Variants in ERC2 observed in about 807,000 individuals in gnomAD.
ERC2 encodes the protein ERC protein 2.
A neutral mutation model predicts 114.8 loss-of-function variants in ERC2; 42 were observed. The observed-to-expected ratio is 0.37, with a 90% CI of 0.29 to 0.47. ERC2 has a LOEUF of 0.47. ERC2 is among the 20% of genes least tolerant of loss of function. ERC2 has a pLI of 0.99. For missense variants in ERC2, 939 were observed against 1,150.7 expected, an observed-to-expected ratio of 0.82 and a Z score of 2.66; for synonymous variants, 454 against 425.5, an observed-to-expected ratio of 1.07 and a Z score of -0.82.
chr3:55,933,242 A>T (rs1011251289), intron 13 of ERC2, among the ~76,000 whole-genome samples: 2 of 151,980 alleles, frequency 1.3e-5, no homozygotes, highest in Non-Finnish European at 2.9e-5. Context: ...TAAAGAAAGT[A>T]ACCATGCCCA....
chr3:56,216,962 C>T (rs1158999727), intron 3 of ERC2, among the ~76,000 whole-genome samples: 1 of 152,172 alleles, frequency 6.6e-6, no homozygotes, highest in African/African-American at 2.4e-5. Context: ...TAAAAACTCT[C>T]AATAAATTAG....
intron 7 of ERC2, among the ~76,000 whole-genome samples, chr3:56,029,405 G>C (rs1242113104): frequency 2.0e-5 from 3 of 151,960 alleles, no homozygotes; most frequent in Admixed American, 6.5e-5. Context: ...AGTAAAATTA[G>C]GATTAATTCT....
chr3:55,749,686 A>G (rs1309401841), intron 14 of ERC2, among the ~76,000 whole-genome samples: 1 of 152,218 alleles, frequency 6.6e-6, no homozygotes, highest in Non-Finnish European at 1.5e-5. Context: ...CCGATAGGAC[A>G]GAAACAGAAC....
chr3:55,997,939 T>TTTG (rs2071720509), intron 10 of ERC2, among the ~76,000 whole-genome samples: 1 of 116,512 alleles, frequency 8.6e-6, no homozygotes, highest in East Asian at 2.7e-4. Flanking sequence ...GTTTTTTTTT[T>TTTG]TTTTTTGGTA....
rs3055903 is a variant in ERC2, at chr3:56,313,001, C to CATATATATATATATAT, written c.658-16582_658-16567dup. On this transcript the variant is annotated intron_variant, in intron 2 of 17. Coordinates refer to ENST00000288221, the MANE Select transcript of ERC2 (RefSeq NM_015576.3). ...TTAATATTTAGTGAATATGTATATTCATATATATATATATATATATATATA... is the reference window on the plus strand; with the variant it reads ...TTAATATTTAGTGAATATGTATATTCATATATATATATATATATATATATATATATATATATATATA... Among the ~76,000 whole-genome samples the CATATATATATATATAT allele has an allele frequency of 3.6e-3, 159 of 43,868 alleles. 25 individuals carry two copies. Among genetic ancestry groups the CATATATATATATATAT allele is most frequent in the Non-Finnish European group, 4.5e-3 (105 of 23,580 alleles). 28.8% of individuals were successfully genotyped at this position (43,868 alleles called of 152,430 possible).
chr3:56,132,026 C>A lies in ERC2; in HGVS notation c.1473+7483G>T, dbSNP rs189554212. On this transcript the variant is annotated intron_variant, in intron 6 of 17. Coordinates refer to ENST00000288221, the MANE Select transcript of ERC2 (RefSeq NM_015576.3). ...GTAAATCCCACCTTATATGCTATGGCAAATACTATTTCCAACCATTTAAAA... is the reference window on the plus strand; with the variant it reads ...GTAAATCCCACCTTATATGCTATGGAAAATACTATTTCCAACCATTTAAAA... Among the ~76,000 whole-genome samples the A allele has an allele frequency of 2.2e-4, 33 of 152,280 alleles. No homozygotes were observed. The East Asian group carries it at 6.2e-3, about 29-fold the overall frequency.
chr3:56,336,158 C>G (rs1232990645), intron 2 of ERC2, among the ~76,000 whole-genome samples: 1 of 152,046 alleles, frequency 6.6e-6, no homozygotes, highest in Admixed American at 6.6e-5. Context: ...CACAGTGAAC[C>G]TGGATTTGAA....
In ERC2 at chr3:56,032,955, GAAAC is replaced by G. The variant is rs1432558008; in HGVS notation, c.1642-13928_1642-13925del. On this transcript the variant is annotated intron_variant, in intron 7 of 17. Transcript: ENST00000288221. Reference sequence around the variant, plus strand: ...AGAAAGAAAGAAAGAAAGAAAGAAAGAAACAGAAAGAAAGAAAGAAAGAGAAAGA... The same window carrying G: ...AGAAAGAAAGAAAGAAAGAAAGAAAGAGAAAGAAAGAAAGAAAGAGAAAGA... Among the ~76,000 whole-genome samples the G allele has an allele frequency of 3.1e-3, 134 of 42,662 alleles. 2 individuals carry two copies. The highest frequency in any genetic ancestry group is 7.5e-3 in the Admixed American group (28 of 3,710). The allele number at this position is 42,662 out of a possible 152,430, so 28.0% of individuals were successfully genotyped here. A position where few individuals can be genotyped will look rare whatever the true frequency, so the allele number is the denominator to read the frequency against.
intron 10 of ERC2, among the ~76,000 whole-genome samples, chr3:55,998,400 A>G (rs1225449770): frequency 6.6e-6 from 1 of 152,110 alleles, no homozygotes; most frequent in Non-Finnish European, 1.5e-5. Context: ...AATTATCTGG[A>G]TGTCCTCAAA....
At chr3:56,411,906 A>G (rs2060955103) in intron 2 of ERC2, among the ~76,000 whole-genome samples, 1 of 152,228 alleles carries the variant, frequency 6.6e-6, no homozygotes, top group Non-Finnish European at 1.5e-5. Flanking sequence ...TGCAACAGAA[A>G]AAAAGCTGGA....
intron 3 of ERC2, among the ~76,000 whole-genome samples, chr3:56,237,775 C>T (rs529193907): frequency 7.2e-5 from 11 of 152,114 alleles, no homozygotes; most frequent in African/African-American, 2.4e-4. Flanking sequence ...TTGGAAGTCA[C>T]GACGTACATG....
In ERC2 at chr3:55,668,361, G is replaced by A. The variant is rs555172997; in HGVS notation, c.*39+15433C>T. ...TACCTCTGAGTTGTGTGACCAAGAT[G>A]TAATTTAGCCTCTCCTCTGTAAAAT... On this transcript the variant is annotated intron_variant, in intron 17 of 17. Transcript: ENST00000288221. Among the ~76,000 whole-genome samples the A allele has an allele frequency of 3.3e-5, 5 of 152,324 alleles. No individual in the cohort carries two copies. The South Asian group carries it at 1.0e-3, about 32-fold the overall frequency.
chr3:55,781,716 CA>C (rs529747251), intron 14 of ERC2, among the ~76,000 whole-genome samples: 1 of 151,436 alleles, frequency 6.6e-6, no homozygotes, highest in African/African-American at 2.4e-5. Context: ...ACTAAAAATA[CA>C]AAAAATTAGC....
At chr3:56,104,694 T>C (rs2078550934) in intron 6 of ERC2, among the ~76,000 whole-genome samples, 1 of 151,918 alleles carries the variant, frequency 6.6e-6, no homozygotes, top group Admixed American at 6.6e-5. Context: ...AAAGCTAAAG[T>C]ACCCAGCTGT....
At chr3:55,581,288 G>A (rs2057248132) in intron 17 of ERC2, among the ~76,000 whole-genome samples, 2 of 152,190 alleles carry the variant, frequency 1.3e-5, no homozygotes, top group South Asian at 2.1e-4. Flanking sequence ...AAAACCATGT[G>A]TCTGAAAATA....
intron 6 of ERC2, among the ~76,000 whole-genome samples, chr3:56,106,332 C>T (rs2078662897): frequency 6.6e-6 from 1 of 152,196 alleles, no homozygotes; most frequent in East Asian, 1.9e-4. Context: ...TAGAAGTTCA[C>T]CTGTAAGCAG....
At chr3:56,164,790 G>A (rs2082240834) in intron 4 of ERC2, among the ~76,000 whole-genome samples, 1 of 151,954 alleles carries the variant, frequency 6.6e-6, no homozygotes, top group Admixed American at 6.6e-5. Flanking sequence ...AGCCATCCTA[G>A]TGTGGGAGAA....
At chr3:55,699,643 T>A in intron 15 of ERC2, 131 bp from the exon 16 acceptor site, 1 of 1,022,342 alleles carries the variant, frequency 9.8e-7, no homozygotes. Context: ...GTTAGTCAAG[T>A]TGAAACTTAA....
At chr3:56,187,662 T>G (rs4974177) in intron 3 of ERC2, among the ~76,000 whole-genome samples, 1 of 152,108 alleles carries the variant, frequency 6.6e-6, no homozygotes, top group Non-Finnish European at 1.5e-5. Flanking sequence ...CTGTCTGTTA[T>G]AGACAGCAGT....
Sources: allele counts gnomAD v4.1 joint callset (sites outside exome capture counted in the v4.1 genomes callset), GRCh38; gene constraint gnomAD v4.1.1; transcripts MANE v1.5; gene names NCBI Gene and HGNC (gene_info 2026-07-23, HGNC 2026-07-21).